The following PCDHA3 variants were observed in gnomAD, a reference collection of about 807,000 sequenced individuals.
PCDHA3 encodes the protein protocadherin alpha-3.
A neutral mutation model predicts 62.2 loss-of-function variants in PCDHA3; 41 were observed. The observed-to-expected ratio is 0.66, with a 90% CI of 0.51 to 0.86. PCDHA3 has a LOEUF of 0.86. PCDHA3 is among the 40% of genes least tolerant of loss of function. The probability of loss-of-function intolerance (pLI) is 0.00; values close to 1 mark genes in which losing one functional copy is unlikely to be tolerated. For missense variants in PCDHA3, 1,304 were observed against 1,241.2 expected (o/e 1.05, Z -0.76); for synonymous variants, 640 against 555.4 (o/e 1.15, Z -2.14).
rs781852534 is a variant in PCDHA3, at chr5:140,982,552, G to T, written c.2531G>T (p.Ser844Ile). 1 of 1,614,168 alleles carries T rather than the reference G, an allele frequency of 6.2e-7. No individual in the cohort carries two copies. The highest frequency in any genetic ancestry group is 2.2e-5 in the East Asian group (1 of 44,892). ...GATCAGCAGTGGCCAACAGTATCCAGTGCAACACCAGGTAAAGAGCTGGGG... is the reference window on the plus strand; with the variant it reads ...GATCAGCAGTGGCCAACAGTATCCATTGCAACACCAGGTAAAGAGCTGGGG... The part of the protein sequence containing the change: ...GPDQQWPTVS[S>I]ATPEPEAGEV... Residue 844 changes from serine (S) to isoleucine (I), a missense_variant, in exon 3 of 4, where the codon AGT (serine) becomes ATT (isoleucine). Physicochemically the swap from Ser to Ile is moderately radical, Grantham distance 142. Coordinates refer to ENST00000522353, the MANE Select transcript of PCDHA3 (RefSeq NM_018906.3).
intron 1 of PCDHA3, among the ~76,000 whole-genome samples, chr5:140,942,239 T>C (rs1554214876): frequency 6.6e-6 from 1 of 152,156 alleles, no homozygotes; most frequent in African/African-American, 2.4e-5. Context: ...AAATAAGATA[T>C]CCATATCATT....
chr5:140,811,692 C>T (rs1554125797), intron 1 of PCDHA3: 1 of 152,186 alleles, frequency 6.6e-6, no homozygotes, highest in East Asian at 1.9e-4. Context: ...GATTGCCATT[C>T]TAACTGGTGT....
At chr5:140,823,007 C>T in intron 1 of PCDHA3, 2 of 1,614,244 alleles carry the variant, frequency 1.2e-6, no homozygotes, top group Non-Finnish European at 1.7e-6. Flanking sequence ...CTGGACAGCG[C>T]CCTGGACCGC....
chr5:140,833,759 C>CAG (rs1336906298), intron 1 of PCDHA3, among the ~76,000 whole-genome samples: 1 of 151,910 alleles, frequency 6.6e-6, no homozygotes, highest in Non-Finnish European at 1.5e-5. Context: ...AAAACACACA[C>CAG]ACACACACCG....
At chr5:140,882,228 T>C in intron 1 of PCDHA3, 8 of 1,564,682 alleles carry the variant, frequency 5.1e-6, no homozygotes, top group Non-Finnish European at 6.9e-6. Flanking sequence ...GGTAAGGCGT[T>C]GTATATATTG....
At chr5:140,808,379 G>T (rs1425307568) in intron 1 of PCDHA3, 15 of 1,614,190 alleles carry the variant, frequency 9.3e-6, no homozygotes, top group African/African-American at 1.3e-5. Context: ...CTTCAAGCTG[G>T]TGTCCACCTT....
chr5:140,853,458 T>C (rs17119248), intron 1 of PCDHA3: 56,285 of 974,400 alleles, frequency 0.058, 6,090 homozygotes, highest in Middle Eastern at 0.078. Context: ...GGTCTCCTTA[T>C]ATGCATCTGT....
intron 1 of PCDHA3, among the ~76,000 whole-genome samples, chr5:140,973,841 G>A (rs2096604649): frequency 6.6e-6 from 1 of 152,188 alleles, no homozygotes; most frequent in Admixed American, 6.5e-5. Context: ...CTTGCTTGTT[G>A]CCTACCAATT....
In PCDHA3 at chr5:140,803,638, T is replaced by C. The variant is rs782142850; in HGVS notation, c.2394+47T>C. 4.0e-5 allele frequency: 64 copies of C among 1,613,470 alleles called. 1 individual carries two copies. In the South Asian group the frequency reaches 6.6e-4, roughly 17 times the overall value. On this transcript the variant is annotated intron_variant, in intron 1 of 3. Transcript: ENST00000522353. ...TTTCCAAAATGTCTTTGTTTTTCAT[T>C]CCTCAATGTTTCCACTCCTCTGGAA...
At chr5:140,967,552 T>C (rs782453868) in intron 1 of PCDHA3, 2 of 1,613,908 alleles carry the variant, frequency 1.2e-6, no homozygotes, top group Non-Finnish European at 1.7e-6. Context: ...AGTCCACTTA[T>C]CGCGTCCAGC....
At chr5:140,816,301 G>A (rs1765879211) in intron 1 of PCDHA3, 1 of 152,090 alleles carries the variant, frequency 6.6e-6, no homozygotes, top group African/African-American at 2.4e-5. Flanking sequence ...GAACATGTCT[G>A]TAAAATTTTC....
intron 1 of PCDHA3, among the ~76,000 whole-genome samples, chr5:140,949,466 G>A (rs2094383684): frequency 6.6e-6 from 1 of 151,662 alleles, no homozygotes; most frequent in Non-Finnish European, 1.5e-5. Flanking sequence ...TTGAAGCCCT[G>A]TTATTAGGCA....
chr5:140,842,268 A>T, intron 1 of PCDHA3: 1 of 1,610,534 alleles, frequency 6.2e-7, no homozygotes, highest in Non-Finnish European at 8.5e-7. Context: ...GAAAACTTAT[A>T]CAAAATCCTC....
At chr5:140,819,185 T>A (rs1365698503) in intron 1 of PCDHA3, among the ~76,000 whole-genome samples, 2 of 152,188 alleles carry the variant, frequency 1.3e-5, no homozygotes, top group African/African-American at 4.8e-5. Context: ...AAATGACATA[T>A]GTGCATAAAT....
intron 1 of PCDHA3, chr5:140,828,262 G>T (rs782427409): frequency 2.5e-6 from 4 of 1,613,900 alleles, no homozygotes; most frequent in Non-Finnish European, 3.4e-6. Context: ...TGGAGCTGGC[G>T]GAGCTGGTGC....
rs531946864 is a variant in PCDHA3, at chr5:140,866,396, C to T, written c.2394+62805C>T. 5.3e-5 allele frequency: 8 copies of T among 152,156 alleles called. No individual in the cohort carries two copies. In the East Asian group the frequency reaches 9.6e-4, roughly 18 times the overall value. 9.4% of individuals were successfully genotyped at this position (152,156 alleles called of 1,614,324 possible). A position where few individuals can be genotyped will look rare whatever the true frequency, so the allele number is the denominator to read the frequency against. The stretch of plus-strand genomic sequence containing the variant: ...AATAACAATTTTAAAGACATAGATT[C>T]CCATGAAAATCTTCAAATGTGTGTA... On this transcript the variant is annotated intron_variant, in intron 1 of 3. Transcript: ENST00000522353.
intron 1 of PCDHA3, among the ~76,000 whole-genome samples, chr5:140,838,075 A>AGTGTG (rs781914509): frequency 3.7e-4 from 47 of 128,236 alleles, no homozygotes; most frequent in East Asian, 1.2e-3. Context: ...TTATATATAT[A>AGTGTG]TAGTGTGTGT....
At chr5:140,818,061 C>T (rs2150099980) in intron 1 of PCDHA3, among the ~76,000 whole-genome samples, 2 of 152,206 alleles carry the variant, frequency 1.3e-5, no homozygotes, top group African/African-American at 4.8e-5. Context: ...TTTTTAATCT[C>T]GCTTGCAGTT....
At chr5:140,929,391 A>T (rs1563116530) in intron 1 of PCDHA3, 3 of 1,511,404 alleles carry the variant, frequency 2.0e-6, no homozygotes, top group Non-Finnish European at 2.7e-6. Context: ...GTTTTGAAAT[A>T]TTTCTTAGAC....
Sources: allele counts gnomAD v4.1 joint callset (sites outside exome capture counted in the v4.1 genomes callset), GRCh38; gene constraint gnomAD v4.1.1; transcripts MANE v1.5; gene names NCBI Gene and HGNC (gene_info 2026-07-23, HGNC 2026-07-21).